NF1: variants seen among roughly 807,000 people sequenced by gnomAD.
NF1 encodes the protein neurofibromin.
NF1 carries 122 observed loss-of-function variants against 325.7 expected under a neutral mutation model. The observed-to-expected ratio is 0.37, with a 90% CI of 0.32 to 0.44. NF1 has a LOEUF of 0.44. Ranked by LOEUF, NF1 falls within the 20% of genes least tolerant of loss-of-function variation. NF1 has a pLI of 1.00. For synonymous variants in NF1, 1,091 were observed against 1,186.0 expected, an observed-to-expected ratio of 0.92 and a Z score of 1.65; for missense variants, 2,140 against 3,415.4, an observed-to-expected ratio of 0.63 and a Z score of 9.31.
chr17:31,371,882 C>T (rs1261521357), intron 57 of NF1, among the ~76,000 whole-genome samples: 3 of 152,180 alleles, frequency 2.0e-5, no homozygotes, highest in South Asian at 2.1e-4. Context: ...CTGTTGAGCA[C>T]GTGTAAACCA....
intron 1 of NF1, among the ~76,000 whole-genome samples, chr17:31,118,186 G>A (rs958247371): frequency 6.6e-6 from 1 of 152,072 alleles, no homozygotes; most frequent in Non-Finnish European, 1.5e-5. Flanking sequence ...GAAATTGTGG[G>A]AATTGTTGCT....
intron 29 of NF1, among the ~76,000 whole-genome samples, chr17:31,242,049 A>C (rs1411376553): frequency 6.6e-6 from 1 of 151,762 alleles, no homozygotes; most frequent in Non-Finnish European, 1.5e-5. Flanking sequence ...ATCACTTGAA[A>C]TATGTCATGC....
chr17:31,110,962 A>G (rs1368445310), intron 1 of NF1, among the ~76,000 whole-genome samples: 3 of 152,154 alleles, frequency 2.0e-5, no homozygotes, highest in Non-Finnish European at 4.4e-5. Context: ...CCACGAGAGC[A>G]GGGCCTATGT....
intron 1 of NF1, among the ~76,000 whole-genome samples, chr17:31,117,243 A>T (rs1262653132): frequency 6.6e-6 from 1 of 151,938 alleles, no homozygotes; most frequent in Non-Finnish European, 1.5e-5. Flanking sequence ...AGCCTCCCAG[A>T]GTGCTGGGAT....
At chr17:31,249,166 A>T (rs1414887867) in intron 30 of NF1, 47 bp downstream of exon 30, 1 of 1,595,988 alleles carries the variant, frequency 6.3e-7, no homozygotes. Context: ...AAGTTAAATT[A>T]TGAAGAATGC....
intron 29 of NF1, among the ~76,000 whole-genome samples, chr17:31,243,912 A>G (rs1278587739): frequency 6.6e-6 from 1 of 151,556 alleles, no homozygotes; most frequent in East Asian, 2.0e-4. Context: ...ACAGTTGGTA[A>G]TGTGCTGGGT....
At chr17:31,119,967 A>G (rs1275828850) in intron 1 of NF1, among the ~76,000 whole-genome samples, 4 of 152,072 alleles carry the variant, frequency 2.6e-5, no homozygotes, top group Admixed American at 6.5e-5. Flanking sequence ...CCATTGGTCT[A>G]TGTATCTGTT....
intron 36 of NF1, among the ~76,000 whole-genome samples, chr17:31,271,770 A>T (rs1479742328): frequency 6.6e-6 from 1 of 151,854 alleles, no homozygotes; most frequent in Non-Finnish European, 1.5e-5. Flanking sequence ...AAAATAAAAT[A>T]CAAAAACAAC....
chr17:31,374,028 A>G lies in NF1; in HGVS notation c.8393A>G (p.Asn2798Ser), dbSNP rs1555538515. 2 of 1,614,062 alleles carry G rather than the reference A, an allele frequency of 1.2e-6. No homozygotes were observed. Among genetic ancestry groups the G allele is most frequent in the Non-Finnish European group, 8.5e-7 (1 of 1,179,934 alleles). Residue 2798 changes from asparagine to serine, a missense_variant, in exon 58 of 58, where the codon AAC (asparagine) becomes AGC (serine). This residue lies in a region of NF1 where 522 missense variants were observed against 749.0 expected (regional missense o/e 0.70). Transcript: ENST00000358273. Reference protein sequence around the residue: ...SQHSPGIDKENVELSPTTGHC... With the variant: ...SQHSPGIDKESVELSPTTGHC... Reference sequence around the variant, plus strand: ...TTTTCTCCAGGAATCGACAAGGAGAACGTTGAACTCTCCCCTACCACTGGC... The same window carrying G: ...TTTTCTCCAGGAATCGACAAGGAGAGCGTTGAACTCTCCCCTACCACTGGC...
chr17:31,186,552 G>A (rs1159755151), intron 8 of NF1, among the ~76,000 whole-genome samples: 2 of 152,318 alleles, frequency 1.3e-5, no homozygotes, highest in East Asian at 3.9e-4. Context: ...CTTGGAAGAA[G>A]CATGATTGGA....
chr17:31,338,580 C>A, intron 45 of NF1, 124 bp from the exon 46 acceptor site: 1 of 709,456 alleles, frequency 1.4e-6, no homozygotes, highest in Non-Finnish European at 2.5e-6. Flanking sequence ...ATCACCATAG[C>A]ATGAGAAATC....
chr17:31,268,663 C>T (rs865832521), intron 36 of NF1, among the ~76,000 whole-genome samples: 5 of 148,474 alleles, frequency 3.4e-5, no homozygotes, highest in Admixed American at 6.7e-5. Flanking sequence ...GGTGCTGTTT[C>T]TTCATCAGGG....
rs2151537867 is a variant in NF1, at chr17:31,325,938, A to G, written c.4954A>G (p.Asn1652Asp). 6.2e-7 allele frequency: 1 copy of G among 1,614,210 alleles called. No individual in the cohort carries two copies. Among genetic ancestry groups the G allele is most frequent in the Non-Finnish European group, 8.5e-7 (1 of 1,180,024 alleles). ...GGACCTTACCCATACCGGGCCTAGC[A>G]ATCGCTTTAAAACAGACTTTCTCTC... ...VVDLTHTGPS[N>D]RFKTDFLSKW... Residue 1652 changes from asparagine to aspartate, a missense_variant, in exon 37 of 58, where the codon AAT (asparagine) becomes GAT (aspartate). Physicochemically the swap from Asn to Asp is conservative, Grantham distance 23. This residue lies in a region of NF1 where 103 missense variants were observed against 214.6 expected (regional missense o/e 0.48). Transcript: ENST00000358273.
chr17:31,228,254 G>C, intron 20 of NF1, among the ~76,000 whole-genome samples: 1 of 152,106 alleles, frequency 6.6e-6, no homozygotes, highest in Non-Finnish European at 1.5e-5. Context: ...TATTTGATTT[G>C]TAATGTTCAT....
At position 31,350,244 on chromosome 17, in the gene NF1, T is replaced by C. The variant is rs1555536133; in HGVS notation, c.7383T>C (p.Leu2461=). 1 of 1,613,744 alleles carries C rather than the reference T, an allele frequency of 6.2e-7. No homozygotes were observed. Among genetic ancestry groups the C allele is most frequent in the Middle Eastern group, 1.7e-4 (1 of 6,060 alleles). The change falls in exon 50 of 58, where the codon CTT becomes CTC. Residue 2461 remains leucine, a synonymous_variant. Transcript: ENST00000358273. ...GCAGCCTAAAACATAGAAAGTCACT[T>C]CTTCTTACTGATATTTCAATGGAAA... ...SRCSLKHRKS[L]LLTDISMENV...
In NF1 at chr17:31,186,924, A is replaced by G. The variant is rs562400533; in HGVS notation, c.888+4259A>G. On this transcript the variant is annotated intron_variant, in intron 8 of 57. Coordinates refer to ENST00000358273, the MANE Select transcript of NF1 (RefSeq NM_001042492.3). ...AACACTGAGCCCTTGATATGACATC[A>G]TTCCTCAGGGTGATCAGCCAGCTAC... 3.3e-5 allele frequency among the ~76,000 whole-genome samples: 5 copies of G among 152,354 alleles called. No homozygotes were observed. In the East Asian group the frequency reaches 9.6e-4, roughly 29 times the overall value.
chr17:31,144,711 G>A (rs1054818215), intron 1 of NF1, among the ~76,000 whole-genome samples: 1 of 152,100 alleles, frequency 6.6e-6, no homozygotes, highest in African/African-American at 2.4e-5. Flanking sequence ...TTTTTTACAT[G>A]ACAACTGGCT....
chr17:31,338,585 G>C (rs1247210785), intron 45 of NF1, 119 bp from the exon 46 acceptor site: 9 of 726,708 alleles, frequency 1.2e-5, no homozygotes, highest in Non-Finnish European at 2.2e-5. Flanking sequence ...CATAGCATGA[G>C]AAATCATTCT....
chr17:31,218,872 T>C, intron 13 of NF1, 133 bp from the exon 14 acceptor site: 1 of 916,060 alleles, frequency 1.1e-6, no homozygotes, highest in Middle Eastern at 3.2e-4. Flanking sequence ...GCGTCCAGCC[T>C]AGTTCTAGAA....
Sources: allele counts gnomAD v4.1 joint callset (sites outside exome capture counted in the v4.1 genomes callset), GRCh38; gene constraint gnomAD v4.1.1; regional missense constraint gnomAD v4.1.1; transcripts MANE v1.5; gene names NCBI Gene and HGNC (gene_info 2026-07-23, HGNC 2026-07-21).